NBR1: variants seen among roughly 807,000 people sequenced by gnomAD.
NBR1 encodes NBR1 autophagy cargo receptor, also known as next to BRCA1 gene 1 protein.
Under a neutral mutation model 115.5 loss-of-function variants are expected in NBR1, and 59 were observed. The observed-to-expected ratio is 0.51, with a 90% CI of 0.41 to 0.63. The LOEUF (loss-of-function observed/expected upper bound fraction) is 0.63, where lower values mean the gene tolerates loss of function less well. NBR1 is among the 30% of genes least tolerant of loss of function. The probability of loss-of-function intolerance (pLI) is 0.00; values close to 1 mark genes in which losing one functional copy is unlikely to be tolerated. For missense variants in NBR1, 1,043 were observed against 1,150.5 expected (o/e 0.91, Z 1.35); for synonymous variants, 373 against 414.7 (o/e 0.90, Z 1.22).
chr17:43,201,814 C>T (rs2154582374), intron 18 of NBR1, 34 bp downstream of exon 18: 1 of 1,207,098 alleles, frequency 8.3e-7, no homozygotes, highest in African/African-American at 1.5e-5. Context: ...CTCTTTTTCT[C>T]TGCTCCTGTC....
chr17:43,174,041 G>A (rs1314926124), intron 1 of NBR1, among the ~76,000 whole-genome samples: 4 of 152,144 alleles, frequency 2.6e-5, no homozygotes, highest in Non-Finnish European at 4.4e-5. Context: ...TTAAGGAATT[G>A]TTAACTTGTT....
At position 43,210,395 on chromosome 17, in the gene NBR1, G is replaced by A. The variant is rs922375900; in HGVS notation, c.*321G>A. ...TTCTTTCTGCTTTTATTGAAACTGAGTATTTTTCTTTGGCTAATGTGGATT... is the reference window on the plus strand; with the variant it reads ...TTCTTTCTGCTTTTATTGAAACTGAATATTTTTCTTTGGCTAATGTGGATT... On this transcript the variant is annotated 3_prime_UTR_variant, in exon 21 of 21. Coordinates refer to ENST00000590996, the MANE Select transcript of NBR1 (RefSeq NM_005899.5). 2.5e-5 allele frequency: 10 copies of A among 395,106 alleles called. No homozygotes were observed. The highest frequency in any genetic ancestry group is 4.5e-5 in the Non-Finnish European group (10 of 224,642). 24.5% of individuals were successfully genotyped at this position (395,106 alleles called of 1,614,324 possible). A position where few individuals can be genotyped will look rare whatever the true frequency, so the allele number is the denominator to read the frequency against.
intron 18 of NBR1, 134 bp from the exon 19 acceptor site, chr17:43,202,521 T>C: frequency 2.6e-6 from 1 of 387,120 alleles, no homozygotes; most frequent in Non-Finnish European, 4.5e-6. Context: ...TCCCAAATAC[T>C]TTAAAAAAAA....
chr17:43,207,548 G>A (rs2057340743), intron 20 of NBR1, among the ~76,000 whole-genome samples: 1 of 152,152 alleles, frequency 6.6e-6, no homozygotes, highest in Non-Finnish European at 1.5e-5. Flanking sequence ...TTTTTGAAGA[G>A]ATGGGGTTTC....
In NBR1 at chr17:43,210,235, G is replaced by A; in HGVS notation, c.*161G>A. 5.6e-6 allele frequency: 3 copies of A among 539,846 alleles called. No homozygotes were observed. The highest frequency in any genetic ancestry group is 5.8e-6 in the Non-Finnish European group (2 of 345,578). 33.4% of individuals were successfully genotyped at this position (539,846 alleles called of 1,614,324 possible). A position where few individuals can be genotyped will look rare whatever the true frequency, so the allele number is the denominator to read the frequency against. ...AATACCTGCTACAGTATTTTGGGGAGCAAACTAAAGACCAGAACTTAAATT... is the reference window on the plus strand; with the variant it reads ...AATACCTGCTACAGTATTTTGGGGAACAAACTAAAGACCAGAACTTAAATT... On this transcript the variant is annotated 3_prime_UTR_variant, in exon 21 of 21. Transcript: ENST00000590996.
chr17:43,187,349 T>G (rs902727142), intron 6 of NBR1, among the ~76,000 whole-genome samples: 8 of 151,786 alleles, frequency 5.3e-5, no homozygotes, highest in African/African-American at 1.9e-4. Flanking sequence ...CCCAGCTAAT[T>G]TTTTTTATTT....
intron 4 of NBR1, among the ~76,000 whole-genome samples, chr17:43,179,755 G>A (rs2056616682): frequency 6.6e-6 from 1 of 152,096 alleles, no homozygotes; most frequent in African/African-American, 2.4e-5. Flanking sequence ...TAAAACAAGT[G>A]GTATTCCAAA....
At chr17:43,182,211 CTTTTTTTTTTTTTTTT>C (rs752789312) in intron 5 of NBR1, among the ~76,000 whole-genome samples, 1 of 71,570 alleles carries the variant, frequency 1.4e-5, no homozygotes, top group African/African-American at 5.2e-5. Flanking sequence ...CTGTTCTCTC[CTTTTTTTTTTTTTTTT>C]TTTTTTTTGA....
At chr17:43,178,631 A>G (rs1230793549) in intron 3 of NBR1, among the ~76,000 whole-genome samples, 3 of 149,410 alleles carry the variant, frequency 2.0e-5, no homozygotes, top group African/African-American at 7.4e-5. Context: ...CCCACCTCGG[A>G]CTCCCAAAGT....
intron 6 of NBR1, 119 bp from the exon 7 acceptor site, chr17:43,188,923 T>C: frequency 1.4e-6 from 1 of 718,840 alleles, no homozygotes. Context: ...ACTGTGACTT[T>C]TTAAAAAATT....
chr17:43,173,313 G>C (rs2056423586), intron 1 of NBR1, among the ~76,000 whole-genome samples: 1 of 151,984 alleles, frequency 6.6e-6, no homozygotes, highest in African/African-American at 2.4e-5. Flanking sequence ...TTTTGAGACA[G>C]AGTCTCGCTC....
intron 13 of NBR1, 132 bp downstream of exon 13, chr17:43,194,631 G>A (rs1448019639): frequency 1.9e-6 from 2 of 1,048,690 alleles, no homozygotes; most frequent in East Asian, 2.4e-5. Context: ...TATTTAATGG[G>A]AAGGAGATCA....
chr17:43,193,123 T>C lies in NBR1; in HGVS notation c.1103T>C (p.Met368Thr), dbSNP rs952910102. The C allele has an allele frequency of 1.2e-6, 2 of 1,614,008 alleles. No individual in the cohort carries two copies. Among genetic ancestry groups the C allele is most frequent in the Non-Finnish European group, 1.7e-6 (2 of 1,179,886 alleles). ...MLPLQPCTSV[M>T]PMLSAAFVDE... is the part of the protein sequence containing the mutation. ...CCTTTGCAGCCCTGTACCTCCGTTA[T>C]GCCAATGCTCAGTGCAGCATTTGTG... The change falls in exon 11 of 21, where the codon ATG (methionine) becomes ACG (threonine). Residue 368 changes from methionine to threonine, a missense_variant. Physicochemically the swap from Met to Thr is moderately conservative, Grantham distance 81. Coordinates refer to ENST00000590996, the MANE Select transcript of NBR1 (RefSeq NM_005899.5).
intron 20 of NBR1, among the ~76,000 whole-genome samples, chr17:43,205,362 G>A (rs1222557257): frequency 2.0e-5 from 3 of 151,976 alleles, no homozygotes; most frequent in Non-Finnish European, 4.4e-5. Flanking sequence ...TCAAAAAAAA[G>A]AAAGATACTA....
intron 5 of NBR1, among the ~76,000 whole-genome samples, chr17:43,181,332 T>C (rs571521224): frequency 1.4e-3 from 220 of 152,298 alleles, no homozygotes; most frequent in Non-Finnish European, 2.8e-3. Flanking sequence ...TCAGTTACAG[T>C]CCCATCTCTT....
chr17:43,197,187 T>C (rs2057088484), intron 16 of NBR1, 81 bp downstream of exon 16: 1 of 1,293,506 alleles, frequency 7.7e-7, no homozygotes, highest in Non-Finnish European at 1.1e-6. Flanking sequence ...AGATGTGCTC[T>C]TCTTCACTGA....
chr17:43,193,113 A>G lies in NBR1; in HGVS notation c.1093A>G (p.Thr365Ala). 4 of 1,613,848 alleles carry G rather than the reference A, an allele frequency of 2.5e-6. No homozygotes were observed. The highest frequency in any genetic ancestry group is 3.4e-6 in the Non-Finnish European group (4 of 1,179,856). ...NTLMLPLQPC[T>A]SVMPMLSAAF... ...GTTCAGGCTCCCTTTGCAGCCCTGT[A>G]CCTCCGTTATGCCAATGCTCAGTGC... The change falls in exon 11 of 21, where the codon ACC (threonine) becomes GCC (alanine). Residue 365 changes from threonine (T) to alanine (A), a missense_variant. Thr to Ala is a moderately conservative substitution (Grantham distance 58). Transcript: ENST00000590996.
chr17:43,204,106 T>A (rs1374207398), intron 20 of NBR1, among the ~76,000 whole-genome samples: 4 of 151,880 alleles, frequency 2.6e-5, no homozygotes, highest in Non-Finnish European at 5.9e-5. Flanking sequence ...CCCGGCTAAT[T>A]TTTTGTATTT....
intron 17 of NBR1, among the ~76,000 whole-genome samples, chr17:43,201,159 A>G (rs972532493): frequency 1.3e-5 from 2 of 152,160 alleles, no homozygotes; most frequent in Admixed American, 6.5e-5. Flanking sequence ...GTGAGCCACT[A>G]TGCCTGGCTG....
Sources: allele counts gnomAD v4.1 joint callset (sites outside exome capture counted in the v4.1 genomes callset), GRCh38; gene constraint gnomAD v4.1.1; transcripts MANE v1.5; gene names NCBI Gene and HGNC (gene_info 2026-07-23, HGNC 2026-07-21).